The following MYO3B variants were observed in gnomAD, a reference collection of about 807,000 sequenced individuals.
MYO3B encodes the protein myosin IIIB, also known as myosin-IIIb.
Under a neutral mutation model 174.6 loss-of-function variants are expected in MYO3B, and 156 were observed. The observed-to-expected ratio is 0.89, with a 90% CI of 0.78 to 1.02. The LOEUF (loss-of-function observed/expected upper bound fraction) is 1.02. Among genes scored for constraint, MYO3B ranks in the 50% least tolerant of loss-of-function variants. The pLI, the probability that MYO3B is intolerant of heterozygous loss-of-function variation, is 0.00. For synonymous variants in MYO3B, 563 were observed against 569.1 expected (o/e 0.99, Z 0.15); for missense variants, 1,632 against 1,639.4 (o/e 1.00, Z 0.08).
chr2:170,617,130 A>T (rs940114471), intron 32 of MYO3B, among the ~76,000 whole-genome samples: 5 of 152,216 alleles, frequency 3.3e-5, no homozygotes, highest in Admixed American at 6.5e-5. Flanking sequence ...GTTTGAATAG[A>T]TGGACGTAAT....
intron 32 of MYO3B, among the ~76,000 whole-genome samples, chr2:170,582,008 GGACA>G (rs1357947600): frequency 1.3e-5 from 2 of 152,176 alleles, no homozygotes; most frequent in Non-Finnish European, 2.9e-5. Context: ...CACCAAGATT[GGACA>G]GGCCAACAGT....
chr2:170,298,672 CTG>C (rs111528102), intron 7 of MYO3B, among the ~76,000 whole-genome samples: 5,666 of 127,180 alleles, frequency 0.045, 140 homozygotes, highest in Middle Eastern at 0.075. Context: ...GAGCAAGACT[CTG>C]TCTCAAAAAA....
intron 1 of MYO3B, among the ~76,000 whole-genome samples, chr2:170,187,376 G>A (rs529314122): frequency 6.6e-6 from 1 of 152,106 alleles, no homozygotes; most frequent in African/African-American, 2.4e-5. Context: ...GGGATTACAG[G>A]TGTGTGCCAG....
At chr2:170,335,649 TATA>T (rs1251775015) in intron 8 of MYO3B, among the ~76,000 whole-genome samples, 199 bp downstream of exon 8, 1 of 152,212 alleles carries the variant, frequency 6.6e-6, no homozygotes, top group East Asian at 1.9e-4. Flanking sequence ...GACTCTCAGT[TATA>T]ATAAGTCCTT....
rs1302553827 is a variant in MYO3B at position 170,649,249 on chromosome 2, TAAAA to T, written c.3734-2378_3734-2375del. On this transcript the variant is annotated intron_variant, in intron 32 of 34. Transcript: ENST00000408978. ...TATATAAAATAATATATATTATATATAAAATAATATATAATATATTATATATAAA... is the reference window on the plus strand; with the variant it reads ...TATATAAAATAATATATATTATATATTAATATATAATATATTATATATAAA... Among the ~76,000 whole-genome samples the T allele has an allele frequency of 8.5e-5, 5 of 58,594 alleles. 1 individual carries two copies. Among genetic ancestry groups the T allele is most frequent in the Admixed American group, 3.5e-4 (1 of 2,890 alleles). The allele number at this position is 58,594 out of a possible 152,430, so 38.4% of individuals were successfully genotyped here.
chr2:170,337,935 AG>A (rs2093956008), intron 8 of MYO3B: 1 of 152,108 alleles, frequency 6.6e-6, no homozygotes, highest in Admixed American at 6.6e-5. Flanking sequence ...GAAGAAGAGG[AG>A]GGGTTGGTTC....
chr2:170,595,459 GAC>G (rs1374447109), intron 32 of MYO3B, among the ~76,000 whole-genome samples: 1 of 152,018 alleles, frequency 6.6e-6, no homozygotes, highest in Non-Finnish European at 1.5e-5. Context: ...TGTTTTATGA[GAC>G]AGAGTCTCAC....
At chr2:170,339,585 C>T (rs2093965386) in intron 8 of MYO3B, among the ~76,000 whole-genome samples, 1 of 152,136 alleles carries the variant, frequency 6.6e-6, no homozygotes, top group African/African-American at 2.4e-5. Context: ...ATCAGGAGCA[C>T]TGGGGATGTG....
chr2:170,636,391 C>T (rs890353929), intron 32 of MYO3B, among the ~76,000 whole-genome samples: 1 of 148,736 alleles, frequency 6.7e-6, no homozygotes, highest in Admixed American at 6.8e-5. Context: ...AAAAGATCTC[C>T]ATGAATTTCT....
chr2:170,514,103 G>A (rs1165139839), intron 28 of MYO3B, among the ~76,000 whole-genome samples: 11 of 152,182 alleles, frequency 7.2e-5, no homozygotes, highest in South Asian at 2.1e-4. Context: ...AATCTCCTCC[G>A]TGAGGAGGGG....
At chr2:170,366,614 C>T (rs78134586) in intron 8 of MYO3B, among the ~76,000 whole-genome samples, 7,605 of 152,258 alleles carry the variant, frequency 0.05, 308 homozygotes, top group African/African-American at 0.11. Flanking sequence ...TTGATCATTG[C>T]TTCCAGAAAG....
intron 28 of MYO3B, among the ~76,000 whole-genome samples, chr2:170,502,685 C>T (rs939186629): frequency 6.6e-6 from 1 of 152,178 alleles, no homozygotes; most frequent in African/African-American, 2.4e-5. Flanking sequence ...GGCCCCTGAG[C>T]TCCAGGAGCC....
intron 32 of MYO3B, among the ~76,000 whole-genome samples, chr2:170,636,531 C>G (rs1271015393): frequency 6.6e-6 from 1 of 151,830 alleles, no homozygotes; most frequent in African/African-American, 2.4e-5. Flanking sequence ...TGACCCCTGG[C>G]TGGACTGGCT....
intron 23 of MYO3B, among the ~76,000 whole-genome samples, chr2:170,461,682 A>C (rs1684293602): frequency 6.6e-6 from 1 of 151,866 alleles, no homozygotes; most frequent in African/African-American, 2.4e-5. Flanking sequence ...AGGCCGAGGC[A>C]GGAGAATTGC....
chr2:170,638,852 G>T (rs1306983823), intron 32 of MYO3B, among the ~76,000 whole-genome samples: 1 of 152,186 alleles, frequency 6.6e-6, no homozygotes. Context: ...CAGCAGAGGG[G>T]TAAGGGATTC....
At chr2:170,403,949 T>A (rs970800821) in intron 19 of MYO3B, among the ~76,000 whole-genome samples, 10 of 149,280 alleles carry the variant, frequency 6.7e-5, no homozygotes, top group Non-Finnish European at 1.4e-4. Flanking sequence ...CCAAAATAAA[T>A]TTTTTTTTTC....
At chr2:170,434,359 C>T (rs1388297816) in intron 22 of MYO3B, among the ~76,000 whole-genome samples, 1 of 152,068 alleles carries the variant, frequency 6.6e-6, no homozygotes, top group Non-Finnish European at 1.5e-5. Context: ...CTTTTTGATT[C>T]TCAGCAAGGC....
chr2:170,194,497 C>A (rs1247266567), intron 1 of MYO3B, among the ~76,000 whole-genome samples: 4 of 150,598 alleles, frequency 2.7e-5, no homozygotes, highest in African/African-American at 9.7e-5. Context: ...AGAGGAAGAC[C>A]CTGTCTCAAG....
chr2:170,438,565 A>G (rs942794904), intron 22 of MYO3B, among the ~76,000 whole-genome samples: 1 of 152,152 alleles, frequency 6.6e-6, no homozygotes, highest in Non-Finnish European at 1.5e-5. Flanking sequence ...AGAGAGTTCT[A>G]ATTTCTCTAC....
Sources: gnomAD v4.1 joint callset for allele counts (sites outside exome capture counted in the v4.1 genomes callset) on GRCh38, gnomAD v4.1.1 for gene constraint, MANE v1.5 for transcripts, NCBI Gene and HGNC (gene_info 2026-07-23, HGNC 2026-07-21) for gene names.